HSPA12A: variants seen among roughly 807,000 people sequenced by gnomAD.
HSPA12A encodes the protein heat shock protein family A (Hsp70) member 12A.
A neutral mutation model predicts 69.2 loss-of-function variants in HSPA12A; 28 were observed. The ratio of observed to expected loss-of-function variants is 0.40; its 90% CI spans 0.30 to 0.55. The LOEUF is 0.55. Among genes scored for constraint, HSPA12A ranks in the 20% least tolerant of loss-of-function variants. The pLI, the probability that HSPA12A is intolerant of heterozygous loss-of-function variation, is 0.38. For missense variants in HSPA12A, 686 were observed against 900.7 expected (o/e 0.76, Z 3.05); for synonymous variants, 345 against 370.5 (o/e 0.93, Z 0.79).
chr10:116,772,943 TCTCCCACCTTGGC>T lies in HSPA12A; in HGVS notation c.91+61979_91+61991del, dbSNP rs1554890660. 4.6e-5 allele frequency among the ~76,000 whole-genome samples: 7 copies of T among 152,040 alleles called. No individual in the cohort carries two copies. The South Asian group carries it at 6.2e-4, about 14-fold the overall frequency. On this transcript the variant is annotated intron_variant, in intron 2 of 12. Coordinates refer to the HSPA12A transcript ENST00000635765. ...TCTTGAACTCCTAGTCTCAAGCAAT[TCTCCCACCTTGGC>T]CTCCCAAAGTGCTGGTATTAACAGG...
chr10:116,755,410 G>C (rs1163918029), intron 2 of HSPA12A, among the ~76,000 whole-genome samples: 1 of 151,622 alleles, frequency 6.6e-6, no homozygotes, highest in Non-Finnish European at 1.5e-5. Context: ...CCAGGAGTTC[G>C]AGACCAGCAT....
At chr10:116,792,186 C>T (rs1279389699) in intron 2 of HSPA12A, among the ~76,000 whole-genome samples, 3 of 140,814 alleles carry the variant, frequency 2.1e-5, no homozygotes, top group East Asian at 2.1e-4. Context: ...ACGTTGATCA[C>T]GTAAGCATGT....
At chr10:116,750,046 C>T (rs1394912518) in intron 2 of HSPA12A, 10 of 292,048 alleles carry the variant, frequency 3.4e-5, no homozygotes, top group Non-Finnish European at 5.8e-5. Context: ...TGCCCAAATA[C>T]AGGATGATCG....
intron 1 of HSPA12A, chr10:116,708,293 C>G (rs1434903120): frequency 6.6e-6 from 1 of 152,078 alleles, no homozygotes; most frequent in Non-Finnish European, 1.5e-5. Context: ...CTCTGCACAT[C>G]CTGCTCCGTT....
At chr10:116,727,792 A>G (rs1285704419) in intron 1 of HSPA12A, among the ~76,000 whole-genome samples, 3 of 125,846 alleles carry the variant, frequency 2.4e-5, no homozygotes, top group Non-Finnish European at 3.2e-5. Context: ...GAGTCTTACT[A>G]TGTCACCCAG....
At chr10:116,832,760 C>T (rs1845643123) in intron 2 of HSPA12A, 1 of 152,224 alleles carries the variant, frequency 6.6e-6, no homozygotes, top group African/African-American at 2.4e-5. Flanking sequence ...GGTCTCCAAC[C>T]TTCAAGAATT....
At chr10:116,752,276 A>G (rs531376838) in intron 2 of HSPA12A, among the ~76,000 whole-genome samples, 1 of 152,368 alleles carries the variant, frequency 6.6e-6, no homozygotes, top group Admixed American at 6.5e-5. Flanking sequence ...GCTTTAAAAC[A>G]ATTCAAGGAA....
At chr10:116,766,586 T>G (rs1844081911) in intron 2 of HSPA12A, among the ~76,000 whole-genome samples, 1 of 152,100 alleles carries the variant, frequency 6.6e-6, no homozygotes, top group Non-Finnish European at 1.5e-5. Flanking sequence ...CAGAAGAAAG[T>G]TCATTGCTCC....
intron 1 of HSPA12A, among the ~76,000 whole-genome samples, chr10:116,845,610 TC>T (rs1845868194): frequency 6.6e-6 from 1 of 152,162 alleles, no homozygotes; most frequent in Non-Finnish European, 1.5e-5. Context: ...GCCTCTTCTT[TC>T]CCCTTTCTTC....
At chr10:116,796,160 A>AG (rs1386637443) in intron 2 of HSPA12A, among the ~76,000 whole-genome samples, 7 of 148,888 alleles carry the variant, frequency 4.7e-5, no homozygotes, top group East Asian at 3.9e-4. Flanking sequence ...AAAAAAAAAA[A>AG]AAAAAAGAAA....
chr10:116,796,415 C>G (rs1844827439), intron 2 of HSPA12A, among the ~76,000 whole-genome samples: 1 of 152,052 alleles, frequency 6.6e-6, no homozygotes, highest in Non-Finnish European at 1.5e-5. Flanking sequence ...TTTGCAGCTC[C>G]CCTCTCCCTT....
At chr10:116,717,194 C>T (rs577750096) in intron 1 of HSPA12A, among the ~76,000 whole-genome samples, 3 of 152,188 alleles carry the variant, frequency 2.0e-5, no homozygotes, top group Non-Finnish European at 2.9e-5. Flanking sequence ...GAAAGAAGCC[C>T]GCATCCTTAG....
At chr10:116,847,087 G>A (rs1477401794) in intron 1 of HSPA12A, among the ~76,000 whole-genome samples, 1 of 151,030 alleles carries the variant, frequency 6.6e-6, no homozygotes, top group Non-Finnish European at 1.5e-5. Context: ...CCTTTTCTCT[G>A]GGATACCAAT....
intron 1 of HSPA12A, among the ~76,000 whole-genome samples, chr10:116,732,577 T>TA (rs1336506825): frequency 6.6e-6 from 1 of 152,188 alleles, no homozygotes; most frequent in Non-Finnish European, 1.5e-5. Context: ...GGGCAACCAC[T>TA]ACTGTCAAGT....
intron 2 of HSPA12A, among the ~76,000 whole-genome samples, chr10:116,770,417 C>T (rs782079471): frequency 2.0e-5 from 3 of 152,288 alleles, no homozygotes; most frequent in East Asian, 1.9e-4. Context: ...AGAGGCTCAG[C>T]GGACACCCAG....
intron 2 of HSPA12A, among the ~76,000 whole-genome samples, chr10:116,806,094 T>A (rs1485217404): frequency 1.3e-5 from 2 of 152,148 alleles, no homozygotes; most frequent in Non-Finnish European, 2.9e-5. Context: ...TGCTGACAAG[T>A]GTGTCATGGG....
chr10:116,802,685 A>AG (rs1441660350), intron 2 of HSPA12A, among the ~76,000 whole-genome samples: 4 of 152,224 alleles, frequency 2.6e-5, no homozygotes, highest in African/African-American at 9.6e-5. Flanking sequence ...GGCCACAGGA[A>AG]GGGGGCAGCT....
chr10:116,742,446 G>A lies in HSPA12A; in HGVS notation c.24C>T (p.Gly8=). The A allele has an allele frequency of 7.1e-7, 1 of 1,406,872 alleles. No homozygotes were observed. Among genetic ancestry groups the A allele is most frequent in the Non-Finnish European group, 9.3e-7 (1 of 1,078,760 alleles). The allele number at this position is 1,406,872 out of a possible 1,614,324, so 87.1% of individuals were successfully genotyped here. The part of the protein sequence containing the change: MADKEAG[G]SDGPRETAPT... ...TGCGCTCACCTCGGGGCCCGTCGCT[G>A]CCGCCGGCCTCCTTGTCCGCCATGG... Residue 8 remains glycine (G), a synonymous_variant, in exon 1 of 12, where the codon GGC becomes GGT. Transcript: ENST00000369209.
chr10:116,787,144 A>G (rs987072011), intron 2 of HSPA12A, among the ~76,000 whole-genome samples: 1 of 152,098 alleles, frequency 6.6e-6, no homozygotes, highest in African/African-American at 2.4e-5. Flanking sequence ...GCAACCTGTC[A>G]GATCAACCAA....
Sources: gnomAD v4.1 joint callset for allele counts (sites outside exome capture counted in the v4.1 genomes callset) on GRCh38, gnomAD v4.1.1 for gene constraint, MANE v1.5 for transcripts, NCBI Gene and HGNC (gene_info 2026-07-23, HGNC 2026-07-21) for gene names.